The following ERBB4 variants were observed in gnomAD, a reference collection of about 807,000 sequenced individuals.
The protein encoded by ERBB4 is receptor tyrosine-protein kinase erbB-4.
A neutral mutation model predicts 158.0 loss-of-function variants in ERBB4; 42 were observed. The ratio of observed to expected loss-of-function variants is 0.27; its 90% CI spans 0.21 to 0.34. The LOEUF (loss-of-function observed/expected upper bound fraction) is 0.34. ERBB4 is among the 10% of genes least tolerant of loss of function. The pLI, the probability that ERBB4 is intolerant of heterozygous loss-of-function variation, is 1.00. For synonymous variants in ERBB4, 583 were observed against 558.7 expected (o/e 1.04, Z -0.61); for missense variants, 1,333 against 1,624.1 (o/e 0.82, Z 3.08).
intron 2 of ERBB4, among the ~76,000 whole-genome samples, chr2:212,062,051 T>A (rs568952521): frequency 1.5e-4 from 23 of 152,198 alleles, no homozygotes; most frequent in Non-Finnish European, 2.6e-4. Flanking sequence ...GTTTCTTTTA[T>A]ACTGTTAAAA....
At position 212,043,863 on chromosome 2, in the gene ERBB4, A is replaced by G. The variant is rs1476427594; in HGVS notation, c.234+80889T>C. Among the ~76,000 whole-genome samples the G allele has an allele frequency of 2.0e-5, 3 of 152,142 alleles. No individual in the cohort carries two copies. The East Asian group carries it at 5.8e-4, about 29-fold the overall frequency. ...CAGGTTACCAGAAGGATAAAATGAA[A>G]AATTTAATGTAAAGCACTTAGCACA... On this transcript the variant is annotated intron_variant, in intron 2 of 27. Transcript: ENST00000342788.
At chr2:212,462,739 A>G (rs1159763103) in intron 1 of ERBB4, among the ~76,000 whole-genome samples, 2 of 152,182 alleles carry the variant, frequency 1.3e-5, no homozygotes, top group African/African-American at 4.8e-5. Context: ...TGATTCAGCA[A>G]TTCCACTACT....
chr2:211,556,868 G>C (rs2067249979), intron 20 of ERBB4, among the ~76,000 whole-genome samples: 1 of 152,014 alleles, frequency 6.6e-6, no homozygotes. Flanking sequence ...CTATACTACA[G>C]GGCTATGGTA....
intron 3 of ERBB4, among the ~76,000 whole-genome samples, chr2:211,874,829 A>T (rs16847160): frequency 0.17 from 26,047 of 151,966 alleles, 2,843 homozygotes; most frequent in South Asian, 0.33. Flanking sequence ...TTGGTTTCAG[A>T]ATTACATTTA....
chr2:211,656,351 C>A lies in ERBB4; in HGVS notation c.1946+1403G>T, dbSNP rs1460067708. On this transcript the variant is annotated intron_variant, in intron 16 of 27. Transcript: ENST00000342788. ...AGCAAGTATTCTTCATCCAAAATTC[C>A]CATTTTGTTAACTTTAGTACTACCT... Among the ~76,000 whole-genome samples, 4 of 152,120 alleles carry A rather than the reference C, an allele frequency of 2.6e-5. No individual in the cohort carries two copies. The East Asian group carries it at 7.7e-4, about 29-fold the overall frequency.
intron 20 of ERBB4, among the ~76,000 whole-genome samples, chr2:211,499,394 G>A (rs1300050813): frequency 6.6e-6 from 1 of 151,956 alleles, no homozygotes; most frequent in Middle Eastern, 3.2e-3. Context: ...GTGGTGGTGT[G>A]TGCCTGTCGT....
chr2:212,022,467 G>A (rs954593185), intron 2 of ERBB4, among the ~76,000 whole-genome samples: 1 of 152,108 alleles, frequency 6.6e-6, no homozygotes, highest in African/African-American at 2.4e-5. Flanking sequence ...TCACTTACAA[G>A]TAGGAGCTGA....
At chr2:211,803,270 A>C (rs1473969467) in intron 3 of ERBB4, among the ~76,000 whole-genome samples, 1 of 152,258 alleles carries the variant, frequency 6.6e-6, no homozygotes, top group African/African-American at 2.4e-5. Context: ...AGATTTTAAA[A>C]GGACTACATT....
At chr2:211,729,814 T>C (rs571667966) in intron 5 of ERBB4, among the ~76,000 whole-genome samples, 1 of 151,958 alleles carries the variant, frequency 6.6e-6, no homozygotes, top group African/African-American at 2.4e-5. Flanking sequence ...TTTCATTACA[T>C]TTTTTTCCTT....
chr2:212,536,010 G>C (rs900056894), intron 1 of ERBB4, among the ~76,000 whole-genome samples: 1 of 152,094 alleles, frequency 6.6e-6, no homozygotes, highest in African/African-American at 2.4e-5. Flanking sequence ...GTCTTCCCTC[G>C]TTTCCTTAAT....
intron 2 of ERBB4, among the ~76,000 whole-genome samples, chr2:212,004,342 C>T (rs926080586): frequency 2.6e-5 from 4 of 152,114 alleles, no homozygotes; most frequent in Non-Finnish European, 5.9e-5. Context: ...ATAAGATACC[C>T]ACAAAATGCT....
intron 19 of ERBB4, among the ~76,000 whole-genome samples, chr2:211,612,007 A>T (rs1184634917): frequency 2.0e-5 from 3 of 152,174 alleles, no homozygotes; most frequent in Non-Finnish European, 4.4e-5. Flanking sequence ...TACCATGTCA[A>T]AACGGAAGGT....
intron 2 of ERBB4, among the ~76,000 whole-genome samples, chr2:212,070,191 G>A (rs1332512088): frequency 6.6e-6 from 1 of 151,774 alleles, no homozygotes; most frequent in Non-Finnish European, 1.5e-5. Flanking sequence ...ATATATTATT[G>A]AAAGAAATTA....
intron 22 of ERBB4, among the ~76,000 whole-genome samples, chr2:211,426,160 C>T (rs2063622751): frequency 8.9e-6 from 1 of 112,076 alleles, no homozygotes; most frequent in Non-Finnish European, 1.9e-5. Flanking sequence ...ATAAAAAACT[C>T]TACTTCTTCT....
In ERBB4 at chr2:212,376,120, C is replaced by T. The variant is rs983388050; in HGVS notation, c.82+162329G>A. 2.6e-5 allele frequency among the ~76,000 whole-genome samples: 4 copies of T among 152,000 alleles called. No individual in the cohort carries two copies. In the South Asian group the frequency reaches 6.2e-4, roughly 24 times the overall value. On this transcript the variant is annotated intron_variant, in intron 1 of 27. Transcript: ENST00000342788. ...ACTGGTTGAGCTTACGCAATTCTGA[C>T]CAAAAAATTAAAGTGGAGCAACTTT...
chr2:211,384,437 C>T (rs959572045), intron 27 of ERBB4, among the ~76,000 whole-genome samples: 4 of 152,058 alleles, frequency 2.6e-5, no homozygotes, highest in African/African-American at 7.2e-5. Flanking sequence ...TTTAAATATA[C>T]AGACAACTTA....
intron 1 of ERBB4, among the ~76,000 whole-genome samples, chr2:212,197,691 C>A (rs2082469272): frequency 1.3e-5 from 2 of 152,076 alleles, no homozygotes; most frequent in Admixed American, 6.6e-5. Flanking sequence ...GTGTTTAAAG[C>A]CATTTCCTGT....
At chr2:212,197,027 T>C (rs1365434096) in intron 1 of ERBB4, among the ~76,000 whole-genome samples, 1 of 152,090 alleles carries the variant, frequency 6.6e-6, no homozygotes, top group Non-Finnish European at 1.5e-5. Context: ...TCGTTTTAAA[T>C]AAACATAGAA....
intron 1 of ERBB4, among the ~76,000 whole-genome samples, chr2:212,263,318 T>A (rs1008832481): frequency 6.6e-6 from 1 of 152,174 alleles, no homozygotes; most frequent in Non-Finnish European, 1.5e-5. Flanking sequence ...CAGTTTGTGA[T>A]AATTTCTTAC....
Sources: gnomAD v4.1 joint callset for allele counts (sites outside exome capture counted in the v4.1 genomes callset) on GRCh38, gnomAD v4.1.1 for gene constraint, MANE v1.5 for transcripts, NCBI Gene and HGNC (gene_info 2026-07-23, HGNC 2026-07-21) for gene names.